The following WWOX variants were observed in gnomAD, a reference collection of about 807,000 sequenced individuals.
WWOX encodes WW domain-containing oxidoreductase.
WWOX carries 69 observed loss-of-function variants against 46.2 expected under a neutral mutation model. The observed-to-expected ratio is 1.49, with a 90% CI of 1.23 to 1.82. The LOEUF (loss-of-function observed/expected upper bound fraction) is 1.82, where lower values mean the gene tolerates loss of function less well. Among genes scored for constraint, WWOX ranks in the 40% most tolerant of loss-of-function variants. The probability of loss-of-function intolerance (pLI) is 0.00; values close to 1 mark genes in which losing one functional copy is unlikely to be tolerated. For synonymous variants in WWOX, 359 were observed against 202.6 expected (o/e 1.77, Z -6.56); for missense variants, 919 against 542.6 (o/e 1.69, Z -6.89).
rs149304063 is a variant in WWOX, at chr16:78,269,568, C to T, written c.516+105279C>T. ...ACTGGTGACTCGGAGATCAGCAGTC[C>T]GGCATTGCCATCCTCATCAAAAGCT... On this transcript the variant is annotated intron_variant, in intron 5 of 8. Transcript: ENST00000566780. Among the ~76,000 whole-genome samples the T allele has an allele frequency of 1.8e-3, 269 of 152,240 alleles. 1 individual carries two copies. Among genetic ancestry groups the T allele is most frequent in the African/African-American group, 6.3e-3 (260 of 41,538 alleles).
At chr16:78,822,015 T>G (rs2051512121) in intron 8 of WWOX, among the ~76,000 whole-genome samples, 1 of 152,168 alleles carries the variant, frequency 6.6e-6, no homozygotes, top group Admixed American at 6.5e-5. Flanking sequence ...TAGGTAGGAC[T>G]ATAGGCATGC....
chr16:78,689,559 G>C lies in WWOX; in HGVS notation c.1056+256807G>C, dbSNP rs375013284. Among the ~76,000 whole-genome samples, 5 of 152,176 alleles carry C rather than the reference G, an allele frequency of 3.3e-5. No homozygotes were observed. In the East Asian group the frequency reaches 9.6e-4, roughly 29 times the overall value. On this transcript the variant is annotated intron_variant, in intron 8 of 8. Coordinates refer to ENST00000566780, the MANE Select transcript of WWOX (RefSeq NM_016373.4). ...AAGAGTCATTCTAAGTCAGTCTAGA[G>C]AGAATCCCTTCACCCTTCATGTCTG...
chr16:79,122,957 T>TGGCGA (rs2049670666), intron 8 of WWOX, among the ~76,000 whole-genome samples: 1 of 152,190 alleles, frequency 6.6e-6, no homozygotes, highest in Admixed American at 6.5e-5. Flanking sequence ...GCCATCCACA[T>TGGCGA]GGTCATTGCC....
In WWOX at chr16:78,568,316, C is replaced by T. The variant is rs535587302; in HGVS notation, c.1056+135564C>T. ...CCTACTTATCATTACTTTGTCCCTC[C>T]AAAAGCCTGCATGCGGGAAGAAAAA... On this transcript the variant is annotated intron_variant, in intron 8 of 8. Transcript: ENST00000566780. 3.3e-5 allele frequency among the ~76,000 whole-genome samples: 5 copies of T among 152,022 alleles called. No individual in the cohort carries two copies. The East Asian group carries it at 9.7e-4, about 29-fold the overall frequency.
intron 8 of WWOX, among the ~76,000 whole-genome samples, chr16:79,063,429 A>C: frequency 6.6e-6 from 1 of 152,238 alleles, no homozygotes; most frequent in East Asian, 1.9e-4. Flanking sequence ...ATATTAGTCA[A>C]AACGATATAA....
chr16:78,875,213 C>T (rs2044211231), intron 8 of WWOX, among the ~76,000 whole-genome samples: 1 of 152,126 alleles, frequency 6.6e-6, no homozygotes, highest in Admixed American at 6.6e-5. Flanking sequence ...GAAGAGCCAG[C>T]TCAAATTTCA....
intron 8 of WWOX, among the ~76,000 whole-genome samples, chr16:78,784,668 A>G (rs1370612019): frequency 6.6e-6 from 1 of 152,208 alleles, no homozygotes; most frequent in African/African-American, 2.4e-5. Context: ...GCTCACAGTC[A>G]GTGTCAGTGG....
chr16:78,574,267 C>G lies in WWOX; in HGVS notation c.1056+141515C>G, dbSNP rs1438014231. ...ATGTAATCATGGAAGCCATGTATAC[C>G]TCATCACATTTGCCAGATTTCTGCT... On this transcript the variant is annotated intron_variant, in intron 8 of 8. Transcript: ENST00000566780. 2.0e-5 allele frequency among the ~76,000 whole-genome samples: 3 copies of G among 152,144 alleles called. No homozygotes were observed. In the East Asian group the frequency reaches 5.8e-4, roughly 29 times the overall value.
At chr16:78,811,007 G>T (rs1384884323) in intron 8 of WWOX, among the ~76,000 whole-genome samples, 2 of 152,142 alleles carry the variant, frequency 1.3e-5, no homozygotes, top group Non-Finnish European at 2.9e-5. Context: ...AGCTTCTCTG[G>T]TGTTTAGTAA....
chr16:78,694,723 T>G (rs2048063623), intron 8 of WWOX, among the ~76,000 whole-genome samples: 1 of 152,236 alleles, frequency 6.6e-6, no homozygotes, highest in Admixed American at 6.5e-5. Flanking sequence ...GTGAACAGAT[T>G]GCTTTTTCTC....
chr16:78,803,569 C>G (rs1226811099), intron 8 of WWOX, among the ~76,000 whole-genome samples: 1 of 152,104 alleles, frequency 6.6e-6, no homozygotes, highest in Non-Finnish European at 1.5e-5. Context: ...GCCTCAGCCT[C>G]CCAAGTAGCT....
At chr16:79,045,459 A>G (rs1421772740) in intron 8 of WWOX, among the ~76,000 whole-genome samples, 3 of 152,200 alleles carry the variant, frequency 2.0e-5, no homozygotes, top group Admixed American at 1.3e-4. Flanking sequence ...GAAATGGGCA[A>G]AGTTGCCAGC....
intron 8 of WWOX, among the ~76,000 whole-genome samples, chr16:78,574,521 C>G (rs1325220083): frequency 6.6e-6 from 1 of 152,048 alleles, no homozygotes; most frequent in Non-Finnish European, 1.5e-5. Context: ...ACAAGAAGCC[C>G]ATGAATGTCT....
At chr16:78,815,154 A>G (rs914750809) in intron 8 of WWOX, among the ~76,000 whole-genome samples, 1 of 152,044 alleles carries the variant, frequency 6.6e-6, no homozygotes, top group Non-Finnish European at 1.5e-5. Context: ...GTGAAAACCC[A>G]TCTCTACTAA....
chr16:78,491,099 C>T (rs188570384), intron 8 of WWOX, among the ~76,000 whole-genome samples: 24 of 152,280 alleles, frequency 1.6e-4, no homozygotes, highest in Admixed American at 3.3e-4. Flanking sequence ...GCCCTCTCCC[C>T]GAGGCTGCCT....
Position 78,557,103 on chromosome 16 carries a change from G to A in WWOX, c.1056+124351G>A, listed in dbSNP as rs138450649. Among the ~76,000 whole-genome samples, 59 of 152,288 alleles carry A rather than the reference G, an allele frequency of 3.9e-4. 2 individuals carry two copies. In the East Asian group the frequency reaches 0.01, roughly 26 times the overall value. ...AGAAGCAGAGATGAAAATGTGGAAG[G>A]ATGATTGTGAGAAGTCCACATTGCT... On this transcript the variant is annotated intron_variant, in intron 8 of 8. Coordinates refer to ENST00000566780, the MANE Select transcript of WWOX (RefSeq NM_016373.4).
chr16:79,104,421 A>AT (rs2049266711), intron 8 of WWOX, among the ~76,000 whole-genome samples: 1 of 152,240 alleles, frequency 6.6e-6, no homozygotes, highest in African/African-American at 2.4e-5. Context: ...ACATTTTGCT[A>AT]TAATGGCTTT....
chr16:78,146,784 A>G (rs1208832459), intron 4 of WWOX, among the ~76,000 whole-genome samples: 2 of 152,240 alleles, frequency 1.3e-5, no homozygotes, highest in Non-Finnish European at 2.9e-5. Flanking sequence ...TGAATATGTT[A>G]TAACCAAAAA....
At chr16:79,044,053 C>G (rs1389656457) in intron 8 of WWOX, among the ~76,000 whole-genome samples, 1 of 152,158 alleles carries the variant, frequency 6.6e-6, no homozygotes, top group Non-Finnish European at 1.5e-5. Flanking sequence ...TCGGCCCTGC[C>G]CAGACCCGGT....
Sources: gnomAD v4.1 joint callset for allele counts (sites outside exome capture counted in the v4.1 genomes callset) on GRCh38, gnomAD v4.1.1 for gene constraint, MANE v1.5 for transcripts, NCBI Gene and HGNC (gene_info 2026-07-23, HGNC 2026-07-21) for gene names.